The following EIF3B variants were observed in gnomAD, a reference collection of about 807,000 sequenced individuals.
EIF3B encodes the protein eukaryotic translation initiation factor 3 subunit 9.
A neutral mutation model predicts 104.6 loss-of-function variants in EIF3B; 10 were observed. The observed-to-expected ratio is 0.10, with a 90% CI of 0.06 to 0.16. The LOEUF is 0.16. Among genes scored for constraint, EIF3B ranks in the 10% least tolerant of loss-of-function variants. The pLI is 1.00. For missense variants in EIF3B, 1,014 were observed against 1,087.9 expected (o/e 0.93, Z 0.96); for synonymous variants, 542 against 417.2 (o/e 1.30, Z -3.65).
rs1779335786 is a variant in EIF3B, at chr7:2,355,230, A to C, written c.309A>C (p.Ala103=). The C allele has an allele frequency of 2.0e-6, 3 of 1,503,472 alleles. No homozygotes were observed. Among genetic ancestry groups the C allele is most frequent in the Non-Finnish European group, 2.6e-6 (3 of 1,134,476 alleles). 93.1% of individuals were successfully genotyped at this position (1,503,472 alleles called of 1,614,324 possible). Residue 103 remains alanine, a synonymous_variant, in exon 1 of 19, where the codon GCA becomes GCC. Coordinates refer to ENST00000360876, the MANE Select transcript of EIF3B (RefSeq NM_001037283.2). The part of the protein sequence containing the change: ...PGSHAEPPVP[A]QGEAPGEQAR... ...CGCATGCTGAGCCCCCTGTCCCGGC[A>C]CAGGGCGAGGCCCCAGGAGAGCAGG...
rs1341769799 is a variant in EIF3B, at chr7:2,379,483, G to A, written c.2431G>A (p.Gly811Arg). Residue 811 changes from glycine (G) to arginine (R), a missense_variant, in exon 18 of 19, where the codon GGG becomes AGG. Coordinates refer to ENST00000360876, the MANE Select transcript of EIF3B (RefSeq NM_001037283.2). ...CGTCACTGAAGAAATCATTCCCCTC[G>A]GGAATCAGGAGTGACCTGGAGCACT... ...FFVTEEIIPL[G>R]NQE is the part of the protein sequence containing the mutation. 21 of 1,574,588 alleles carry A rather than the reference G, an allele frequency of 1.3e-5. No individual in the cohort carries two copies. The highest frequency in any genetic ancestry group is 1.9e-5 in the Admixed American group (1 of 53,572).
At chr7:2,357,032 T>G (rs1779484458) in intron 1 of EIF3B, among the ~76,000 whole-genome samples, 2 of 152,194 alleles carry the variant, frequency 1.3e-5, no homozygotes, top group African/African-American at 4.8e-5. Flanking sequence ...ACTCTCCTGC[T>G]CAGAACAGTG....
chr7:2,361,903 A>C (rs567593254), intron 2 of EIF3B, among the ~76,000 whole-genome samples: 9 of 151,926 alleles, frequency 5.9e-5, no homozygotes, highest in African/African-American at 2.2e-4. Context: ...CACCCTCCCA[A>C]GTAGCCGGGA....
intron 11 of EIF3B, chr7:2,372,212 A>AG (rs1780390178): frequency 4.1e-6 from 1 of 246,126 alleles, no homozygotes. Context: ...TCTAAAAAAA[A>AG]GAGAAAAGAG....
chr7:2,366,231 T>G, intron 6 of EIF3B, 86 bp from the exon 7 acceptor site: 2 of 1,431,596 alleles, frequency 1.4e-6, no homozygotes, highest in East Asian at 2.4e-5. Context: ...GTTCCGCGAG[T>G]TCTGACGGCG....
At chr7:2,361,818 C>T (rs981012189) in intron 2 of EIF3B, among the ~76,000 whole-genome samples, 2 of 152,036 alleles carry the variant, frequency 1.3e-5, no homozygotes, top group Non-Finnish European at 2.9e-5. Flanking sequence ...TCACTCTTGC[C>T]CAGGCTGGAG....
intron 1 of EIF3B, among the ~76,000 whole-genome samples, chr7:2,357,968 C>A (rs1779541864): frequency 6.6e-6 from 1 of 152,148 alleles, no homozygotes; most frequent in African/African-American, 2.4e-5. Flanking sequence ...GACTAGTTTC[C>A]ATAGCAGGGT....
chr7:2,373,081 T>G (rs41273060), intron 12 of EIF3B: 2 of 247,482 alleles, frequency 8.1e-6, no homozygotes, highest in Non-Finnish European at 1.5e-5. Context: ...CTCTTCTGGC[T>G]GTAGCTGCTG....
chr7:2,369,659 G>C lies in EIF3B; in HGVS notation c.1591G>C (p.Asp531His). The change falls in exon 10 of 19, where the codon GAT becomes CAT. Residue 531 changes from aspartate (D) to histidine (H), a missense_variant. By Grantham distance (81) the Asp-to-His change is moderately conservative. Transcript: ENST00000360876. The stretch of plus-strand genomic sequence containing the variant: ...CGGAGACTACTTGTGTGTGAAAGTA[G>C]ATAGGACTCCGAAAGGCACCCAGGT... ...KNGDYLCVKV[D>H]RTPKGTQGVV... is the part of the protein sequence containing the mutation. The C allele has an allele frequency of 6.2e-7, 1 of 1,609,698 alleles. No homozygotes were observed. Among genetic ancestry groups the C allele is most frequent in the Non-Finnish European group, 8.5e-7 (1 of 1,177,236 alleles).
chr7:2,365,765 T>A (rs1461370730), intron 6 of EIF3B, among the ~76,000 whole-genome samples: 75 of 147,226 alleles, frequency 5.1e-4, no homozygotes, highest in African/African-American at 1.6e-3. Flanking sequence ...AACCTCCACC[T>A]CCCGGGTTCA....
chr7:2,363,296 G>A (rs1779837079), intron 4 of EIF3B, among the ~76,000 whole-genome samples, 169 bp downstream of exon 4: 1 of 151,902 alleles, frequency 6.6e-6, no homozygotes, highest in Non-Finnish European at 1.5e-5. Context: ...TCTACAAAAA[G>A]TAAATAAATA....
At chr7:2,358,480 A>C (rs909012097) in intron 1 of EIF3B, among the ~76,000 whole-genome samples, 1 of 145,572 alleles carries the variant, frequency 6.9e-6, no homozygotes. Context: ...GAATAAATAC[A>C]GTAAAGAATA....
rs887762019 is a variant in EIF3B, at chr7:2,379,007, A to T, written c.2233-127A>T. ...TTGGGGGAAAAGTGAGAATGAATGG[A>T]CTAGCCATTCCTGCTTGAGTGCCTC... On this transcript the variant is annotated intron_variant, in intron 16 of 18. Transcript: ENST00000360876. The T allele has an allele frequency of 1.2e-3, 981 of 816,352 alleles. 6 individuals are homozygous for T. Among genetic ancestry groups the T allele is most frequent in the Non-Finnish European group, 1.2e-3 (633 of 508,564 alleles). The allele number at this position is 816,352 out of a possible 1,614,324, so 50.6% of individuals were successfully genotyped here.
At chr7:2,379,103 A>G in intron 16 of EIF3B, 31 bp from the exon 17 acceptor site, 1 of 1,599,462 alleles carries the variant, frequency 6.3e-7, no homozygotes, top group Non-Finnish European at 8.6e-7. Context: ...TTGTCTTACC[A>G]GTTCTGTGCT....
In EIF3B at chr7:2,360,905, G is replaced by T; in HGVS notation, c.692+3G>T. 6.2e-7 allele frequency: 1 copy of T among 1,604,612 alleles called. No individual in the cohort carries two copies. Among genetic ancestry groups the T allele is most frequent in the South Asian group, 1.1e-5 (1 of 90,758 alleles). On this transcript the variant is annotated splice_donor_region_variant and intron_variant, in intron 2 of 18. Coordinates refer to ENST00000360876, the MANE Select transcript of EIF3B (RefSeq NM_001037283.2). ...GAAGAGGATGGGAAGACAAAAGGGT[G>T]AGTGTTCTCCTGTTGGAGAAGTATC...
intron 10 of EIF3B, among the ~76,000 whole-genome samples, chr7:2,371,041 C>T (rs7786408): frequency 0.012 from 1,811 of 152,200 alleles, 38 homozygotes; most frequent in African/African-American, 0.041. Context: ...CCAGCCTGGG[C>T]AACAGAGTGA....
In EIF3B at chr7:2,369,631, G is replaced by A. The variant is rs753688567; in HGVS notation, c.1563G>A (p.Lys521=). The A allele has an allele frequency of 6.2e-7, 1 of 1,614,178 alleles. No individual in the cohort carries two copies. Residue 521 remains lysine (K), a synonymous_variant, in exon 10 of 19, where the codon AAG becomes AAA. Coordinates refer to ENST00000360876, the MANE Select transcript of EIF3B (RefSeq NM_001037283.2). Reference sequence around the variant, plus strand: ...TGGACTGCAAGCTCCATTGGCAGAAGAACGGAGACTACTTGTGTGTGAAAG... The same window carrying A: ...TGGACTGCAAGCTCCATTGGCAGAAAAACGGAGACTACTTGTGTGTGAAAG... ...NVVDCKLHWQ[K]NGDYLCVKVD...
At chr7:2,370,508 C>A (rs1382359181) in intron 10 of EIF3B, among the ~76,000 whole-genome samples, 1 of 152,064 alleles carries the variant, frequency 6.6e-6, no homozygotes, top group Non-Finnish European at 1.5e-5. Flanking sequence ...CTGAGTTTTC[C>A]CTCTAATAGA....
rs199841876 is a variant in EIF3B at position 2,360,527 on chromosome 7, TC to T, written c.500-181del. 6.6e-3 allele frequency among the ~76,000 whole-genome samples: 1,008 copies of T among 152,322 alleles called. 10 individuals are homozygous for T. The highest frequency in any genetic ancestry group is 0.023 in the African/African-American group (966 of 41,572). On this transcript the variant is annotated intron_variant, in intron 1 of 18. Transcript: ENST00000360876. ...TTCCATCAAAGGGAGAGAGGAGAGT[TC>T]CAGTCCCCCCAGCTGTCATGTTTAA...
Sources: allele counts gnomAD v4.1 joint callset (sites outside exome capture counted in the v4.1 genomes callset), GRCh38; gene constraint gnomAD v4.1.1; transcripts MANE v1.5; gene names NCBI Gene and HGNC (gene_info 2026-07-23, HGNC 2026-07-21).